HPSE2: variants seen among roughly 807,000 people sequenced by gnomAD.
HPSE2 encodes the protein inactive heparanase-2.
Under a neutral mutation model 60.5 loss-of-function variants are expected in HPSE2, and 38 were observed. That is an observed-to-expected ratio of 0.63 (90% confidence interval 0.48 to 0.82). HPSE2 has a LOEUF of 0.82. HPSE2 is among the 40% of genes least tolerant of loss of function. The pLI is 0.00. For synonymous variants in HPSE2, 295 were observed against 293.2 expected, an observed-to-expected ratio of 1.01 and a Z score of -0.06; for missense variants, 713 against 740.4, an observed-to-expected ratio of 0.96 and a Z score of 0.43.
intron 6 of HPSE2, among the ~76,000 whole-genome samples, chr10:98,649,442 T>C (rs1396746304): frequency 6.6e-6 from 1 of 152,202 alleles, no homozygotes; most frequent in African/African-American, 2.4e-5. Flanking sequence ...AGGTACTAAG[T>C]AACAGACACC....
chr10:99,297,391 T>C, the HPSE2 span, among the ~76,000 whole-genome samples: 1 of 152,222 alleles, frequency 6.6e-6, no homozygotes, highest in Admixed American at 6.5e-5. Flanking sequence ...GAGGTGACTG[T>C]TCCTTCTGCC....
chr10:99,081,308 A>C (rs1447270149), intron 3 of HPSE2, among the ~76,000 whole-genome samples: 1 of 152,250 alleles, frequency 6.6e-6, no homozygotes, highest in Non-Finnish European at 1.5e-5. Flanking sequence ...GCATTGCACA[A>C]TATAAAGATG....
rs116607502 is a variant in HPSE2, at chr10:99,183,095, C to T, written c.449-38696G>A. Among the ~76,000 whole-genome samples, 677 of 152,264 alleles carry T rather than the reference C, an allele frequency of 4.4e-3. 6 individuals carry two copies. Among genetic ancestry groups the T allele is most frequent in the African/African-American group, 0.016 (653 of 41,534 alleles). On this transcript the variant is annotated intron_variant, in intron 2 of 11. Coordinates refer to ENST00000370552, the MANE Select transcript of HPSE2 (RefSeq NM_021828.5). ...ATAAGGTGAGCCCTATGAGTACCCC[C>T]ACCTCAATGCCTACAGACAGTTTTC...
intron 2 of HPSE2, among the ~76,000 whole-genome samples, chr10:99,172,220 C>T (rs1316513653): frequency 3.3e-5 from 5 of 152,162 alleles, no homozygotes; most frequent in African/African-American, 1.2e-4. Context: ...GCGTGTACTG[C>T]TGCCATCTTG....
chr10:98,993,649 C>T (rs527239937), intron 3 of HPSE2, among the ~76,000 whole-genome samples: 2 of 152,288 alleles, frequency 1.3e-5, no homozygotes, highest in African/African-American at 2.4e-5. Context: ...TCCTCTAATG[C>T]TATAGTACTG....
At chr10:98,858,746 C>T (rs1952378391) in intron 3 of HPSE2, among the ~76,000 whole-genome samples, 1 of 152,160 alleles carries the variant, frequency 6.6e-6, no homozygotes, top group African/African-American at 2.4e-5. Flanking sequence ...GCAGATGGGG[C>T]TGCTAGAAGA....
At chr10:99,095,240 T>C (rs538151877) in intron 3 of HPSE2, among the ~76,000 whole-genome samples, 1 of 152,260 alleles carries the variant, frequency 6.6e-6, no homozygotes, top group Non-Finnish European at 1.5e-5. Flanking sequence ...TTTTGGTACA[T>C]AGATATTCAC....
intron 3 of HPSE2, among the ~76,000 whole-genome samples, chr10:99,132,196 AGAGAGAGAGAGAGAGAGAG>A (rs1845441251): frequency 6.0e-4 from 26 of 43,508 alleles, no homozygotes; most frequent in African/African-American, 1.1e-3. Context: ...AAAGAAAGAG[AGAGAGAGAGAGAGAGAGAG>A]AGAGAGAGAG....
At chr10:98,843,035 AT>A (rs1401074787) in intron 3 of HPSE2, among the ~76,000 whole-genome samples, 3 of 151,738 alleles carry the variant, frequency 2.0e-5, no homozygotes, top group African/African-American at 7.3e-5. Context: ...CTCACTTCTT[AT>A]TTTTTTAATT....
chr10:98,840,180 C>T (rs1309679590), intron 3 of HPSE2, among the ~76,000 whole-genome samples: 1 of 152,002 alleles, frequency 6.6e-6, no homozygotes, highest in African/African-American at 2.4e-5. Context: ...CAGTATGGGG[C>T]AGAAAATTAC....
rs1953516491 is a variant in HPSE2 at position 98,897,165 on chromosome 10, G to A, written c.611-153109C>T. On this transcript the variant is annotated intron_variant, in intron 3 of 11. Coordinates refer to ENST00000370552, the MANE Select transcript of HPSE2 (RefSeq NM_021828.5). ...TGCAAAGGCATAAGAATTATATAATGGACTTTGGGGACTTGAAGGGAAGGG... is the reference window on the plus strand; with the variant it reads ...TGCAAAGGCATAAGAATTATATAATAGACTTTGGGGACTTGAAGGGAAGGG... 2.6e-5 allele frequency among the ~76,000 whole-genome samples: 4 copies of A among 152,066 alleles called. No individual in the cohort carries two copies. In the South Asian group the frequency reaches 8.3e-4, roughly 32 times the overall value.
At chr10:98,536,172 C>T (rs1038889802) in intron 9 of HPSE2, among the ~76,000 whole-genome samples, 1 of 152,216 alleles carries the variant, frequency 6.6e-6, no homozygotes, top group African/African-American at 2.4e-5. Flanking sequence ...TTATACCCAT[C>T]AACCTCAGCT....
At chr10:98,681,115 T>G (rs1159405823) in intron 6 of HPSE2, among the ~76,000 whole-genome samples, 1 of 152,008 alleles carries the variant, frequency 6.6e-6, no homozygotes, top group Admixed American at 6.6e-5. Flanking sequence ...TTGAAACAAT[T>G]AAAGACAAAT....
intron 2 of HPSE2, among the ~76,000 whole-genome samples, chr10:99,203,691 A>C (rs1360282587): frequency 6.6e-6 from 1 of 151,736 alleles, no homozygotes; most frequent in East Asian, 1.9e-4. Flanking sequence ...TCGAAAACCT[A>C]CCATCCAGGC....
At chr10:98,693,544 G>T (rs928725211) in intron 6 of HPSE2, among the ~76,000 whole-genome samples, 1 of 152,066 alleles carries the variant, frequency 6.6e-6, no homozygotes, top group Admixed American at 6.5e-5. Context: ...TAAAATTATT[G>T]CCTGTCTTAT....
intron 2 of HPSE2, among the ~76,000 whole-genome samples, chr10:99,185,646 T>C (rs1407675570): frequency 6.8e-6 from 1 of 146,902 alleles, no homozygotes; most frequent in Non-Finnish European, 1.5e-5. Context: ...TAGTGGCGGG[T>C]GTCTTTAGTC....
chr10:98,944,129 A>G (rs896222601), intron 3 of HPSE2, among the ~76,000 whole-genome samples: 1 of 152,236 alleles, frequency 6.6e-6, no homozygotes, highest in African/African-American at 2.4e-5. Flanking sequence ...GTTTAAGAAC[A>G]AGAAGGCAGA....
intron 3 of HPSE2, among the ~76,000 whole-genome samples, chr10:99,087,654 T>C (rs1843369173): frequency 6.6e-6 from 1 of 152,066 alleles, no homozygotes; most frequent in Non-Finnish European, 1.5e-5. Flanking sequence ...AAGCAAAGAA[T>C]GAGATTTCAT....
chr10:98,527,974 T>C (rs369406973), intron 9 of HPSE2, among the ~76,000 whole-genome samples: 28 of 152,348 alleles, frequency 1.8e-4, no homozygotes, highest in African/African-American at 5.3e-4. Flanking sequence ...GTTGCTGATC[T>C]GAGGCCCTTC....
Sources: allele counts gnomAD v4.1 joint callset (sites outside exome capture counted in the v4.1 genomes callset), GRCh38; gene constraint gnomAD v4.1.1; transcripts MANE v1.5; gene names NCBI Gene and HGNC (gene_info 2026-07-23, HGNC 2026-07-21).